The following C3 variants were observed in gnomAD, a reference collection of about 807,000 sequenced individuals.
C3 encodes C3 and PZP-like alpha-2-macroglobulin domain-containing protein 1.
In C3, 97 loss-of-function variants were observed where a neutral mutation model predicts 207.9. The observed-to-expected ratio is 0.47, with a 90% confidence interval of 0.40 to 0.55. The LOEUF (loss-of-function observed/expected upper bound fraction) is 0.55. Ranked by LOEUF, C3 falls within the 20% of genes least tolerant of loss-of-function variation. The probability of loss-of-function intolerance (pLI) is 0.00; values close to 1 mark genes in which losing one functional copy is unlikely to be tolerated. For synonymous variants in C3, 848 were observed against 857.6 expected, an observed-to-expected ratio of 0.99 and a Z score of 0.20; for missense variants, 1,684 against 2,171.7, an observed-to-expected ratio of 0.78 and a Z score of 4.46.
Position 6,711,477 on chromosome 19 carries a change from A to G in C3, c.1270-281T>C, listed in dbSNP as rs140761812. ...ATGCTGCTGCCTTTAAAGGTGGAGG[A>G]AGGGGCCATGAGCCAGGCCTTTAGG... is the stretch of plus-strand genomic sequence containing the variant. On this transcript the variant is annotated intron_variant, in intron 11 of 40. Transcript: ENST00000245907. 4.7e-4 allele frequency among the ~76,000 whole-genome samples: 72 copies of G among 152,262 alleles called. No individual in the cohort carries two copies. In the East Asian group the frequency reaches 0.014, roughly 29 times the overall value.
chr19:6,707,975 C>T lies in C3; in HGVS notation c.1846-46G>A, dbSNP rs889281147. On this transcript the variant is annotated intron_variant, in intron 14 of 40. Transcript: ENST00000245907. ...GCGGGACGCAGGGAGGCCAGGCTGA[C>T]AATTGGGATCCCCCACATATGCACC... 18 of 1,608,792 alleles carry T rather than the reference C, an allele frequency of 1.1e-5. No homozygotes were observed. The Admixed American group carries it at 2.2e-4, about 19-fold the overall frequency.
chr19:6,705,430 T>C (rs60747136), intron 17 of C3, among the ~76,000 whole-genome samples: 6,754 of 146,606 alleles, frequency 0.046, 513 homozygotes, highest in African/African-American at 0.16. Context: ...GACGCCTCCA[T>C]CTCCTGGGTT....
chr19:6,683,637 G>C (rs1248326900), intron 33 of C3, among the ~76,000 whole-genome samples: 3 of 151,856 alleles, frequency 2.0e-5, no homozygotes, highest in Admixed American at 2.0e-4. Flanking sequence ...ATTTTTAGTA[G>C]AGACGGTGTT....
At position 6,686,884 on chromosome 19, in the gene C3, T is replaced by C. The variant is rs756867890; in HGVS notation, c.3508A>G (p.Thr1170Ala). The C allele has an allele frequency of 2.5e-6, 4 of 1,614,186 alleles. No homozygotes were observed. The South Asian group carries it at 4.4e-5, about 18-fold the overall frequency. The change falls in exon 28 of 41, where the codon ACT becomes GCT. Residue 1170 changes from threonine (T) to alanine (A), a missense_variant. Physicochemically the swap from Thr to Ala is moderately conservative, Grantham distance 58 (BLOSUM62 0). Around this residue, in one of 3 missense-constraint regions of C3, gnomAD observed 1,280 missense variants for 1,739.1 expected, o/e 0.74. Coordinates refer to ENST00000245907, the MANE Select transcript of C3 (RefSeq NM_000064.4). ...GCTTCAAGGAAGTCTCCTGCTTTAG[T>C]GATGCTGCCTGGCAGGCTCTATGAG... ...EQVNSLPGSI[T>A]KAGDFLEANY...
At chr19:6,692,313 T>C (rs548058353) in intron 26 of C3, among the ~76,000 whole-genome samples, 6 of 152,292 alleles carry the variant, frequency 3.9e-5, no homozygotes, top group African/African-American at 1.4e-4. Context: ...TTGCTGCCGC[T>C]GGTCTGAGGA....
Position 6,681,991 on chromosome 19 carries a change from G to C in C3, c.4300C>G (p.Leu1434Val). 1 of 1,614,152 alleles carries C rather than the reference G, an allele frequency of 6.2e-7. No individual in the cohort carries two copies. The highest frequency in any genetic ancestry group is 8.5e-7 in the Non-Finnish European group (1 of 1,179,980). ...TTCCTATCGGAGAAGGCTTTGTCCA[G>C]CTCATACTTGGAGATGTATCTGTCA... Reference protein sequence around the residue: ...GVDRYISKYELDKAFSDRNTL... With the variant: ...GVDRYISKYEVDKAFSDRNTL... Residue 1434 changes from leucine (L) to valine (V), a missense_variant, in exon 35 of 41, where the codon CTG becomes GTG. Physicochemically the swap from Leu to Val is conservative, Grantham distance 32. Coordinates refer to ENST00000245907, the MANE Select transcript of C3 (RefSeq NM_000064.4).
intron 17 of C3, among the ~76,000 whole-genome samples, chr19:6,704,557 G>T (rs892639522): frequency 6.6e-6 from 1 of 151,932 alleles, no homozygotes; most frequent in Non-Finnish European, 1.5e-5. Context: ...TTGGGAGTTC[G>T]ACACCAGCCT....
chr19:6,703,254 A>AAGG (rs1435872835), intron 17 of C3, among the ~76,000 whole-genome samples: 3 of 152,168 alleles, frequency 2.0e-5, no homozygotes, highest in Admixed American at 2.0e-4. Context: ...GTACTGGTAT[A>AAGG]AGGACATATA....
At chr19:6,714,569 A>T (rs1400884188) in intron 4 of C3, 123 bp from the exon 5 acceptor site, 1 of 763,710 alleles carries the variant, frequency 1.3e-6, no homozygotes, top group Non-Finnish European at 2.3e-6. Flanking sequence ...TGTGGTTAAG[A>T]ACAGGGACCC....
At chr19:6,698,084 T>C (rs1420154633) in intron 19 of C3, among the ~76,000 whole-genome samples, 2 of 151,912 alleles carry the variant, frequency 1.3e-5, no homozygotes, top group Middle Eastern at 3.2e-3. Context: ...TGGCGCCATC[T>C]CGGCTCAACG....
intron 23 of C3, among the ~76,000 whole-genome samples, chr19:6,695,430 C>T (rs752319879): frequency 3.9e-5 from 6 of 152,124 alleles, no homozygotes; most frequent in Non-Finnish European, 8.8e-5. Flanking sequence ...CAAGAAATGA[C>T]CTCCAGAATT....
chr19:6,710,937 G>C, intron 12 of C3, 50 bp downstream of exon 12: 2 of 1,603,986 alleles, frequency 1.2e-6, no homozygotes, highest in Admixed American at 1.7e-5. Flanking sequence ...CCAGGGGTGC[G>C]GAAGAAACAA....
intron 14 of C3, 66 bp from the exon 15 acceptor site, chr19:6,707,995 T>C: frequency 6.3e-7 from 1 of 1,593,370 alleles, no homozygotes. Context: ...CCCCCACATA[T>C]GCACCTGTGT....
At chr19:6,694,942 A>G (rs1019130765) in intron 23 of C3, among the ~76,000 whole-genome samples, 4 of 152,044 alleles carry the variant, frequency 2.6e-5, no homozygotes, top group African/African-American at 4.8e-5. Flanking sequence ...TACTTTCCAG[A>G]CTGTTCTAAG....
In C3 at chr19:6,719,226, GC is replaced by G; in HGVS notation, c.251del (p.Gly84AlafsTer23). On this transcript the variant is annotated frameshift_variant, in exon 2 of 41. Transcript: ENST00000245907. LOFTEE classifies it high-confidence loss of function. The surrounding 1 kb of genome is among the most constrained non-coding windows in gnomAD (Gnocchi z 5.4). The stretch of plus-strand genomic sequence containing the variant: ...CTGCACTCACCGTGAAGGTGACGTT[GC>G]CCATGTGGTTGGTGGCAGGGGTCAG... ...TVLTPATNHMGNVTFTIPANR... is the reference protein window; with the variant it reads ...TVLTPATNHMXNVTFTIPANR... 6.2e-7 allele frequency: 1 copy of G among 1,613,984 alleles called. No individual in the cohort carries two copies. The highest frequency in any genetic ancestry group is 8.5e-7 in the Non-Finnish European group (1 of 1,179,928).
At chr19:6,685,887 T>C (rs1465759180) in intron 29 of C3, among the ~76,000 whole-genome samples, 1 of 152,092 alleles carries the variant, frequency 6.6e-6, no homozygotes, top group African/African-American at 2.4e-5. Flanking sequence ...GAGAACATGA[T>C]CTAGACACCT....
chr19:6,713,877 G>GC, intron 7 of C3, 115 bp downstream of exon 7: 1 of 234,368 alleles, frequency 4.3e-6, no homozygotes, highest in Non-Finnish European at 8.0e-6. Context: ...TCCACCCCCA[G>GC]CCCCCCACCT....
intron 35 of C3, among the ~76,000 whole-genome samples, chr19:6,680,507 C>G (rs557955755): frequency 1.3e-3 from 202 of 152,334 alleles, no homozygotes; most frequent in Non-Finnish European, 2.3e-3. Context: ...CCCATAAAAA[C>G]AACCCATGCA....
At chr19:6,680,014 CA>C (rs1917819671) in intron 36 of C3, 143 bp downstream of exon 36, 5 of 689,726 alleles carry the variant, frequency 7.2e-6, no homozygotes, top group Non-Finnish European at 1.4e-5. Context: ...TTGGGACCCT[CA>C]GACCCGTGGG....
Sources: gnomAD v4.1 joint callset for allele counts (sites outside exome capture counted in the v4.1 genomes callset) on GRCh38, gnomAD v4.1.1 for gene constraint, gnomAD v4.1.1 regional missense constraint, Gnocchi (gnomAD v3.1) non-coding constraint, MANE v1.5 for transcripts, NCBI Gene and HGNC (gene_info 2026-07-23, HGNC 2026-07-21) for gene names.